The following FAM91A1 variants were observed in gnomAD, a reference collection of about 807,000 sequenced individuals.
FAM91A1 encodes family with sequence similarity 91 member A1, also known as protein FAM91A1.
A neutral mutation model predicts 113.5 loss-of-function variants in FAM91A1; 41 were observed. The ratio of observed to expected loss-of-function variants is 0.36; its 90% CI spans 0.28 to 0.47. The LOEUF (loss-of-function observed/expected upper bound fraction) is 0.47, where lower values mean the gene tolerates loss of function less well. Ranked by LOEUF, FAM91A1 falls within the 20% of genes least tolerant of loss-of-function variation. FAM91A1 has a pLI of 1.00. For missense variants in FAM91A1, 696 were observed against 1,001.2 expected (o/e 0.70, Z 4.11); for synonymous variants, 307 against 347.9 (o/e 0.88, Z 1.31).
intron 23 of FAM91A1, chr8:123,811,171 G>A (rs1032140498): frequency 2.6e-5 from 4 of 152,340 alleles, no homozygotes; most frequent in African/African-American, 9.6e-5. Context: ...GAAATGTCCA[G>A]TGAACAAAGA....
intron 18 of FAM91A1, among the ~76,000 whole-genome samples, chr8:123,801,319 A>G (rs1815675004): frequency 6.6e-6 from 1 of 152,184 alleles, no homozygotes; most frequent in African/African-American, 2.4e-5. Context: ...TTTCCCACCT[A>G]TAAAATGGAG....
chr8:123,771,664 T>C (rs1486349992), intron 1 of FAM91A1, among the ~76,000 whole-genome samples: 1 of 152,196 alleles, frequency 6.6e-6, no homozygotes, highest in African/African-American at 2.4e-5. Context: ...TTAATAGCCC[T>C]TTTATTTTGA....
rs1348019218 is a variant in FAM91A1, at chr8:123,780,074, T to TA, written c.640dup (p.Ser214LysfsTer4). 1 of 1,609,472 alleles carries TA rather than the reference T, an allele frequency of 6.2e-7. No homozygotes were observed. Among genetic ancestry groups the TA allele is most frequent in the African/African-American group, 1.3e-5 (1 of 74,768 alleles). On this transcript the variant is annotated frameshift_variant and splice_region_variant, in exon 7 of 24. Coordinates refer to ENST00000334705, the MANE Select transcript of FAM91A1 (RefSeq NM_144963.4). LOFTEE classifies it high-confidence loss of function. Reference sequence around the variant, plus strand: ...GATCACTAGATTACAATGTAGTACATAGTAAGTGGTTAGTAGAAATGGTCT... The same window carrying TA: ...GATCACTAGATTACAATGTAGTACATAAGTAAGTGGTTAGTAGAAATGGTCT...
intron 22 of FAM91A1, among the ~76,000 whole-genome samples, chr8:123,809,367 T>G (rs1364775247): frequency 6.6e-6 from 1 of 152,214 alleles, no homozygotes. Context: ...CTCTCACTCC[T>G]AACATACACA....
chr8:123,772,374 A>T (rs145808802), intron 1 of FAM91A1, among the ~76,000 whole-genome samples: 1 of 152,220 alleles, frequency 6.6e-6, no homozygotes, highest in Non-Finnish European at 1.5e-5. Context: ...TTTATTTAGC[A>T]GTAGAGACAG....
chr8:123,808,500 C>A, intron 21 of FAM91A1, 124 bp downstream of exon 21: 1 of 608,400 alleles, frequency 1.6e-6, no homozygotes, highest in Non-Finnish European at 2.6e-6. Flanking sequence ...TAAGAGTTTT[C>A]TAGGAAGCCT....
intron 12 of FAM91A1, among the ~76,000 whole-genome samples, chr8:123,786,829 A>G (rs1400599234): frequency 2.0e-5 from 3 of 152,240 alleles, no homozygotes; most frequent in Non-Finnish European, 4.4e-5. Flanking sequence ...AGGAGAGAGA[A>G]GGGAATGTGA....
Position 123,814,413 on chromosome 8 carries a change from T to C in FAM91A1, c.*1709T>C, listed in dbSNP as rs142119268. On this transcript the variant is annotated 3_prime_UTR_variant, in exon 24 of 24. Transcript: ENST00000334705. ...TTTGTTTGAACTGTAGTTATTTTAT[T>C]TATTCCTATATTAACCATCTAAACC... The C allele has an allele frequency of 5.0e-6, 1 of 200,498 alleles. No homozygotes were observed. The highest frequency in any genetic ancestry group is 1.0e-5 in the Non-Finnish European group (1 of 99,020). The allele number at this position is 200,498 out of a possible 1,614,324, so 12.4% of individuals were successfully genotyped here.
In FAM91A1 at chr8:123,799,638, T is replaced by G; in HGVS notation, c.1679T>G (p.Leu560Arg). 1 of 1,614,074 alleles carries G rather than the reference T, an allele frequency of 6.2e-7. No homozygotes were observed. The highest frequency in any genetic ancestry group is 8.5e-7 in the Non-Finnish European group (1 of 1,179,966). Residue 560 changes from leucine (L) to arginine (R), a missense_variant, in exon 17 of 24, where the codon CTG becomes CGG. By Grantham distance (102) the Leu-to-Arg change is moderately radical. Transcript: ENST00000334705. ...LLSKGTRLRKLPDIFQSYDRL... is the reference protein window; with the variant it reads ...LLSKGTRLRKRPDIFQSYDRL... ...TCCAAAGGTACAAGACTTCGAAAAC[T>G]GCCAGATATATTTCAGGTATGTGTG...
chr8:123,812,182 G>GTTT (rs564414718), intron 23 of FAM91A1: 46 of 153,448 alleles, frequency 3.0e-4, no homozygotes, highest in Middle Eastern at 3.0e-3. Context: ...GCCTTTGTAA[G>GTTT]TTTTTTTTTT....
In FAM91A1 at chr8:123,785,752, T is replaced by C. The variant is rs1429153535; in HGVS notation, c.962+11T>C. 6.6e-7 allele frequency: 1 copy of C among 1,507,536 alleles called. No homozygotes were observed. The highest frequency in any genetic ancestry group is 9.0e-7 in the Non-Finnish European group (1 of 1,110,148). The allele number at this position is 1,507,536 out of a possible 1,614,324, so 93.4% of individuals were successfully genotyped here. ...CGTAAACAGATTAAAGTAACTTAAATTTATTCAGTATGAGCTATTAGAGTT... is the reference window on the plus strand; with the variant it reads ...CGTAAACAGATTAAAGTAACTTAAACTTATTCAGTATGAGCTATTAGAGTT... On this transcript the variant is annotated intron_variant, in intron 11 of 23. Transcript: ENST00000334705.
In FAM91A1 at chr8:123,778,061, T is replaced by C. The variant is rs1366076632; in HGVS notation, c.404T>C (p.Ile135Thr). 2 of 1,612,714 alleles carry C rather than the reference T, an allele frequency of 1.2e-6. No individual in the cohort carries two copies. Among genetic ancestry groups the C allele is most frequent in the Non-Finnish European group, 1.7e-6 (2 of 1,179,416 alleles). ...RLLGIGRNQY[I>T]DLMNQCRSSK... ...CTTGGCATAGGAAGAAACCAGTATA[T>C]TGATCTTATGAATCAGTGTAGATCA... The change falls in exon 5 of 24, where the codon ATT becomes ACT. Residue 135 changes from isoleucine (I) to threonine (T), a missense_variant. Physicochemically the swap from Ile to Thr is moderately conservative, Grantham distance 89. Transcript: ENST00000334705.
rs1465852457 is a variant in FAM91A1 at position 123,768,524 on chromosome 8, CG to C, written c.-177del. The C allele has an allele frequency of 3.8e-6, 2 of 532,670 alleles. No individual in the cohort carries two copies. The highest frequency in any genetic ancestry group is 6.6e-6 in the Non-Finnish European group (2 of 303,298). The allele number at this position is 532,670 out of a possible 1,614,324, so 33.0% of individuals were successfully genotyped here. ...CTCCAATCGCTGCTGCTCTTGTACT[CG>C]GTTGGCCCGGGCGGCGCTGAACTGT... On this transcript the variant is annotated 5_prime_UTR_variant, in exon 1 of 24. Transcript: ENST00000334705.
intron 4 of FAM91A1, 56 bp downstream of exon 4, chr8:123,777,378 C>G (rs969220379): frequency 8.9e-6 from 13 of 1,458,696 alleles, no homozygotes; most frequent in African/African-American, 1.4e-5. Context: ...TTTGTGCATC[C>G]TGTCATCTGT....
intron 14 of FAM91A1, 151 bp downstream of exon 14, chr8:123,787,901 G>A (rs1815297661): frequency 1.7e-6 from 1 of 581,000 alleles, no homozygotes; most frequent in Admixed American, 3.7e-5. Flanking sequence ...TACTCTTACA[G>A]TCATTTAGAC....
At position 123,813,341 on chromosome 8, in the gene FAM91A1, A is replaced by G. The variant is rs1428558854; in HGVS notation, c.*637A>G. 2 of 152,642 alleles carry G rather than the reference A, an allele frequency of 1.3e-5. No individual in the cohort carries two copies. Among genetic ancestry groups the G allele is most frequent in the Non-Finnish European group, 2.9e-5 (2 of 68,020 alleles). 9.5% of individuals were successfully genotyped at this position (152,642 alleles called of 1,614,324 possible). A position where few individuals can be genotyped will look rare whatever the true frequency, so the allele number is the denominator to read the frequency against. ...GATTATGACTATTCATTGACATCTC[A>G]TGAGAAGCTTTAGAAGACTTTCTAT... On this transcript the variant is annotated 3_prime_UTR_variant, in exon 24 of 24. Transcript: ENST00000334705.
Position 123,815,225 on chromosome 8 carries a change from G to T in FAM91A1, c.*2521G>T, listed in dbSNP as rs1816045828. On this transcript the variant is annotated 3_prime_UTR_variant, in exon 24 of 24. Transcript: ENST00000334705. ...GGAATATTGGTTTCTTTTACTTGTT[G>T]TTTTCAGTTTTCTCTGCCATTCATG... is the stretch of plus-strand genomic sequence containing the variant. 6.6e-6 allele frequency: 1 copy of T among 151,636 alleles called. No individual in the cohort carries two copies. Among genetic ancestry groups the T allele is most frequent in the Non-Finnish European group, 1.5e-5 (1 of 67,748 alleles). The allele number at this position is 151,636 out of a possible 1,614,324, so 9.4% of individuals were successfully genotyped here.
chr8:123,807,480 C>CAAAAAAAAAAAAAA (rs546080328), intron 20 of FAM91A1, among the ~76,000 whole-genome samples: 5 of 58,932 alleles, frequency 8.5e-5, no homozygotes, highest in Non-Finnish European at 1.4e-4. Flanking sequence ...CCTGTCTCTA[C>CAAAAAAAAAAAAAA]AAAAAAAAAA....
intron 15 of FAM91A1, among the ~76,000 whole-genome samples, chr8:123,793,486 G>C (rs1815434857): frequency 6.6e-6 from 1 of 152,134 alleles, no homozygotes; most frequent in African/African-American, 2.4e-5. Context: ...CTTTTCAGTA[G>C]TCTGCGATTA....
Sources: gnomAD v4.1 joint callset for allele counts (sites outside exome capture counted in the v4.1 genomes callset) on GRCh38, gnomAD v4.1.1 for gene constraint, MANE v1.5 for transcripts, NCBI Gene and HGNC (gene_info 2026-07-23, HGNC 2026-07-21) for gene names.